RBFOX1: variants seen among roughly 807,000 people sequenced by gnomAD.
RBFOX1 encodes the protein RNA binding fox-1 homolog 1, also known as RNA binding protein fox-1 homolog 1.
Under a neutral mutation model 57.7 loss-of-function variants are expected in RBFOX1, and 8 were observed. The ratio of observed to expected loss-of-function variants is 0.14; its 90% CI spans 0.08 to 0.25. The LOEUF (loss-of-function observed/expected upper bound fraction) is 0.25, where lower values mean the gene tolerates loss of function less well. RBFOX1 is among the 10% of genes least tolerant of loss of function. The pLI, the probability that RBFOX1 is intolerant of heterozygous loss-of-function variation, is 1.00. For missense variants in RBFOX1, 611 were observed against 548.5 expected, an observed-to-expected ratio of 1.11 and a Z score of -1.14; for synonymous variants, 326 against 222.4, an observed-to-expected ratio of 1.47 and a Z score of -4.15.
At chr16:7,053,489 A>C (rs2153732684) in intron 4 of RBFOX1, among the ~76,000 whole-genome samples, 1 of 152,352 alleles carries the variant, frequency 6.6e-6, no homozygotes, top group East Asian at 1.9e-4. Context: ...GATGGTCAGA[A>C]CTAGGTCAGA....
At chr16:6,965,382 T>G (rs1271213440) in intron 3 of RBFOX1, among the ~76,000 whole-genome samples, 2 of 151,566 alleles carry the variant, frequency 1.3e-5, no homozygotes, top group East Asian at 3.9e-4. Flanking sequence ...TTGGTCTGTT[T>G]CCCAGGCTGT....
At chr16:7,209,979 G>C (rs564536495) in intron 4 of RBFOX1, among the ~76,000 whole-genome samples, 1 of 152,162 alleles carries the variant, frequency 6.6e-6, no homozygotes, top group Non-Finnish European at 1.5e-5. Context: ...ATTCACCTGT[G>C]CTTATTAAAC....
At chr16:6,501,909 C>T (rs138977895) in intron 2 of RBFOX1, among the ~76,000 whole-genome samples, 1 of 152,182 alleles carries the variant, frequency 6.6e-6, no homozygotes, top group African/African-American at 2.4e-5. Flanking sequence ...AAATCCTCAA[C>T]AGAGATCCTT....
rs183100108 is a variant in RBFOX1, at chr16:6,835,278, G to A, written c.-16+180628G>A. 9.7e-4 allele frequency among the ~76,000 whole-genome samples: 148 copies of A among 152,212 alleles called. 1 individual carries two copies. The highest frequency in any genetic ancestry group is 3.4e-3 in the African/African-American group (142 of 41,540). ...ATCCACAAACACAGCTGCTATGCGG[G>A]TTCCCTTTCTGCATCTTTGTGAGTT... On this transcript the variant is annotated intron_variant, in intron 3 of 15. Coordinates refer to ENST00000550418, the MANE Select transcript of RBFOX1 (RefSeq NM_018723.4).
At chr16:5,428,181 A>G (rs1363077644) in intron 1 of RBFOX1, among the ~76,000 whole-genome samples, 2 of 152,028 alleles carry the variant, frequency 1.3e-5, no homozygotes, top group Non-Finnish European at 2.9e-5. Context: ...AACACAATGC[A>G]TGCATTTGGA....
intron 4 of RBFOX1, among the ~76,000 whole-genome samples, chr16:7,329,434 C>T (rs1417042149): frequency 1.3e-5 from 2 of 152,194 alleles, no homozygotes; most frequent in African/African-American, 4.8e-5. Flanking sequence ...GAAAGACACA[C>T]GACATAGTGT....
chr16:7,451,623 A>G (rs571413009), intron 4 of RBFOX1, among the ~76,000 whole-genome samples: 1 of 152,280 alleles, frequency 6.6e-6, no homozygotes, highest in East Asian at 1.9e-4. Flanking sequence ...AGATTGGACT[A>G]TGCTAACATT....
At chr16:7,404,104 G>C (rs569739524) in intron 4 of RBFOX1, among the ~76,000 whole-genome samples, 87 of 144,904 alleles carry the variant, frequency 6.0e-4, no homozygotes, top group Non-Finnish European at 8.5e-4. Context: ...CCAGGCTAGA[G>C]TGCAGTGACT....
At chr16:6,633,348 G>A (rs994433334) in intron 2 of RBFOX1, among the ~76,000 whole-genome samples, 4 of 152,160 alleles carry the variant, frequency 2.6e-5, no homozygotes, top group African/African-American at 9.7e-5. Flanking sequence ...CACGATCTTG[G>A]CTCACTGCAA....
At chr16:5,749,585 A>C (rs777923253) in intron 3 of RBFOX1, among the ~76,000 whole-genome samples, 1 of 152,036 alleles carries the variant, frequency 6.6e-6, no homozygotes, top group Non-Finnish European at 1.5e-5. Flanking sequence ...TTTTTTCTCT[A>C]AACTTCTCTT....
intron 4 of RBFOX1, among the ~76,000 whole-genome samples, chr16:7,328,477 C>CAAAAAAAA (rs58553232): frequency 1.6e-5 from 1 of 60,742 alleles, no homozygotes; most frequent in African/African-American, 6.1e-5. Context: ...GACTCTGTCT[C>CAAAAAAAA]AAAAAAAAAA....
rs1404898589 is a variant in RBFOX1 at position 7,546,136 on chromosome 16, G to C, written c.270+27747G>C. Among the ~76,000 whole-genome samples, 3 of 151,836 alleles carry C rather than the reference G, an allele frequency of 2.0e-5. No homozygotes were observed. In the East Asian group the frequency reaches 5.8e-4, roughly 29 times the overall value. On this transcript the variant is annotated intron_variant, in intron 5 of 15. Coordinates refer to ENST00000550418, the MANE Select transcript of RBFOX1 (RefSeq NM_018723.4). ...GAGGTCAGGAGTTCGAGACCAGCCT[G>C]GCCAACATGGTGAAACCCTGTCTCT...
chr16:6,338,053 T>C (rs1251337144), intron 2 of RBFOX1, among the ~76,000 whole-genome samples: 1 of 152,234 alleles, frequency 6.6e-6, no homozygotes, highest in Non-Finnish European at 1.5e-5. Context: ...TTTATCCAGA[T>C]GGTTTTGTCC....
chr16:7,332,837 C>G, intron 4 of RBFOX1: 1 of 1,439,514 alleles, frequency 6.9e-7, no homozygotes, highest in Non-Finnish European at 9.1e-7. Context: ...GTTGCTGATG[C>G]GGATTTTCTT....
chr16:7,401,455 C>T (rs8050137), intron 4 of RBFOX1, among the ~76,000 whole-genome samples: 136,267 of 152,244 alleles, frequency 0.9, 61,044 homozygotes, highest in South Asian at 0.95. Context: ...CTGTATGGAT[C>T]GATAGCTAGA....
intron 2 of RBFOX1, among the ~76,000 whole-genome samples, chr16:5,561,561 C>G (rs1332912227): frequency 6.6e-6 from 1 of 151,898 alleles, no homozygotes; most frequent in South Asian, 2.1e-4. Context: ...AAAGTCAGGC[C>G]CTATTAGACA....
At chr16:6,510,473 G>C (rs772258031) in intron 2 of RBFOX1, among the ~76,000 whole-genome samples, 1 of 152,200 alleles carries the variant, frequency 6.6e-6, no homozygotes, top group African/African-American at 2.4e-5. Flanking sequence ...TTTGGTCACA[G>C]AGGAGACCAG....
intron 1 of RBFOX1, among the ~76,000 whole-genome samples, chr16:6,083,285 G>A (rs1290651404): frequency 6.6e-6 from 1 of 152,154 alleles, no homozygotes; most frequent in Non-Finnish European, 1.5e-5. Flanking sequence ...TTACAGGCGT[G>A]AGCTATTGCT....
chr16:6,811,753 G>A (rs2088658251), intron 3 of RBFOX1, among the ~76,000 whole-genome samples: 1 of 152,174 alleles, frequency 6.6e-6, no homozygotes, highest in Admixed American at 6.5e-5. Flanking sequence ...GCTGGGCGTG[G>A]TAGTGCACGC....
Sources: allele counts gnomAD v4.1 joint callset (sites outside exome capture counted in the v4.1 genomes callset), GRCh38; gene constraint gnomAD v4.1.1; transcripts MANE v1.5; gene names NCBI Gene and HGNC (gene_info 2026-07-23, HGNC 2026-07-21).